The following HEMK2 variants were observed in gnomAD, a reference collection of about 807,000 sequenced individuals.
The protein encoded by HEMK2 is methyltransferase HEMK2.
chr21:28,848,024 C>G, the HEMK2 span, among the ~76,000 whole-genome samples: 1 of 152,184 alleles, frequency 6.6e-6, no homozygotes, highest in Non-Finnish European at 1.5e-5. Flanking sequence ...GTTACTGTAG[C>G]CTTATAGTAC....
the HEMK2 span, among the ~76,000 whole-genome samples, chr21:28,741,426 A>G: frequency 2.0e-5 from 3 of 152,164 alleles, no homozygotes; most frequent in East Asian, 1.9e-4. Flanking sequence ...GTTCAGGGAT[A>G]TATGTGCAGG....
the HEMK2 span, among the ~76,000 whole-genome samples, chr21:28,829,073 C>A: frequency 2.5e-3 from 383 of 152,242 alleles, 2 homozygotes; most frequent in African/African-American, 8.8e-3. Context: ...TTCAAGAGCT[C>A]CTCTTAAAAT....
chr21:28,587,349 T>A, the HEMK2 span, among the ~76,000 whole-genome samples: 2 of 152,170 alleles, frequency 1.3e-5, no homozygotes, highest in African/African-American at 4.8e-5. Flanking sequence ...ATCCTTATAA[T>A]AGTTGTGATA....
At chr21:28,616,902 T>C in the HEMK2 span, among the ~76,000 whole-genome samples, 7 of 152,146 alleles carry the variant, frequency 4.6e-5, no homozygotes, top group African/African-American at 1.7e-4. Context: ...ACTTCACCAA[T>C]ATTAAATAAG....
the HEMK2 span, among the ~76,000 whole-genome samples, chr21:28,841,369 A>AATATTATATAATATAT: frequency 5.0e-5 from 1 of 19,856 alleles, no homozygotes; most frequent in Non-Finnish European, 6.7e-5. Flanking sequence ...ATATTATATA[A>AATATTATATAATATAT]AATATTATAT....
At chr21:28,601,238 C>T in the HEMK2 span, among the ~76,000 whole-genome samples, 9,386 of 152,222 alleles carry the variant, frequency 0.062, 379 homozygotes, top group Middle Eastern at 0.13. Flanking sequence ...CCCAGCACTA[C>T]CATCTCACTG....
At chr21:28,734,696 CTCA>C in the HEMK2 span, among the ~76,000 whole-genome samples, 2 of 152,122 alleles carry the variant, frequency 1.3e-5, no homozygotes, top group Non-Finnish European at 2.9e-5. Flanking sequence ...ATGGGTGGGT[CTCA>C]TCATGAGTCA....
chr21:28,761,948 A>C, the HEMK2 span, among the ~76,000 whole-genome samples: 1 of 152,162 alleles, frequency 6.6e-6, no homozygotes, highest in Non-Finnish European at 1.5e-5. Context: ...AGACTGAGGT[A>C]GGAAAAGAAA....
the HEMK2 span, among the ~76,000 whole-genome samples, chr21:28,643,976 G>T: frequency 6.6e-6 from 1 of 152,164 alleles, no homozygotes; most frequent in Non-Finnish European, 1.5e-5. Context: ...ATGTGAGAAG[G>T]TTCCATGGGC....
the HEMK2 span, among the ~76,000 whole-genome samples, chr21:28,641,599 C>T: frequency 2.9e-3 from 441 of 152,304 alleles, 2 homozygotes; most frequent in African/African-American, 0.01. Flanking sequence ...ATTGGAAAAG[C>T]TCCTTGGTTG....
the HEMK2 span, among the ~76,000 whole-genome samples, chr21:28,646,220 T>A: frequency 0.023 from 3,540 of 152,024 alleles, 147 homozygotes; most frequent in African/African-American, 0.082. Context: ...AAGAGGGAGG[T>A]GCTCCTTCCT....
the HEMK2 span, among the ~76,000 whole-genome samples, chr21:28,767,987 T>TA: frequency 6.6e-6 from 1 of 151,634 alleles, no homozygotes; most frequent in African/African-American, 2.4e-5. Context: ...ACGTGATTGT[T>TA]AGTTATTCGG....
chr21:28,607,129 G>A, the HEMK2 span, among the ~76,000 whole-genome samples: 1 of 152,086 alleles, frequency 6.6e-6, no homozygotes, highest in African/African-American at 2.4e-5. Flanking sequence ...ATTGTTTGAG[G>A]GCCGGGTGCA....
chr21:28,666,258 G>GA, the HEMK2 span, among the ~76,000 whole-genome samples: 1 of 151,948 alleles, frequency 6.6e-6, no homozygotes, highest in Admixed American at 6.6e-5. Context: ...TCTTTTCTTC[G>GA]GTATTTAGGA....
chr21:28,760,403 T>C, the HEMK2 span, among the ~76,000 whole-genome samples: 3 of 152,180 alleles, frequency 2.0e-5, no homozygotes, highest in African/African-American at 4.8e-5. Context: ...GCAGTGACAA[T>C]GTGAAAGCAG....
the HEMK2 span, among the ~76,000 whole-genome samples, chr21:28,835,355 C>G: frequency 6.6e-6 from 1 of 152,136 alleles, no homozygotes. Flanking sequence ...CCCAGAACTG[C>G]GTAGACTCAC....
the HEMK2 span, among the ~76,000 whole-genome samples, chr21:28,636,674 G>A: frequency 1.2e-4 from 19 of 152,214 alleles, no homozygotes; most frequent in Non-Finnish European, 2.5e-4. Flanking sequence ...TTTTTTGTCC[G>A]GAGTTAAATC....
At chr21:28,855,300 A>G in the HEMK2 span, among the ~76,000 whole-genome samples, 1 of 152,360 alleles carries the variant, frequency 6.6e-6, no homozygotes, top group African/African-American at 2.4e-5. Context: ...TGAAGTCAAC[A>G]AGAAGAGCTA....
chr21:28,613,275 T>C, the HEMK2 span, among the ~76,000 whole-genome samples: 2 of 152,084 alleles, frequency 1.3e-5, no homozygotes, highest in African/African-American at 2.4e-5. Context: ...GTGGTACACA[T>C]GATCGGGGTG....
Sources: gnomAD v4.1 joint callset for allele counts (sites outside exome capture counted in the v4.1 genomes callset) on GRCh38, gnomAD v4.1.1 for gene constraint, MANE v1.5 for transcripts, NCBI Gene and HGNC (gene_info 2026-07-23, HGNC 2026-07-21) for gene names.